The following LRP1B variants were observed in gnomAD, a reference collection of about 807,000 sequenced individuals.
LRP1B encodes the protein LDL receptor related protein 1B.
A neutral mutation model predicts 556.6 loss-of-function variants in LRP1B; 217 were observed. The ratio of observed to expected loss-of-function variants is 0.39; its 90% CI spans 0.35 to 0.44. The LOEUF (loss-of-function observed/expected upper bound fraction) is 0.44. LRP1B is among the 20% of genes least tolerant of loss of function. The probability of loss-of-function intolerance (pLI) is 1.00; values close to 1 mark genes in which losing one functional copy is unlikely to be tolerated. For synonymous variants in LRP1B, 2,047 were observed against 1,865.8 expected, an observed-to-expected ratio of 1.10 and a Z score of -2.50; for missense variants, 5,053 against 5,620.8, an observed-to-expected ratio of 0.90 and a Z score of 3.23.
chr2:141,212,249 A>ATTTTTTTTTTT lies in LRP1B; in HGVS notation c.850+16923_850+16933dup, dbSNP rs59699046. 8.2e-4 allele frequency among the ~76,000 whole-genome samples: 51 copies of ATTTTTTTTTTT among 62,264 alleles called. 12 individuals are homozygous for ATTTTTTTTTTT. Among genetic ancestry groups the ATTTTTTTTTTT allele is most frequent in the East Asian group, 1.8e-3 (3 of 1,626 alleles). The allele number at this position is 62,264 out of a possible 152,430, so 40.8% of individuals were successfully genotyped here. The stretch of plus-strand genomic sequence containing the variant: ...AAGATATATTGATCAAAAAGTCTAG[A>ATTTTTTTTTTT]TTTTTTTTTTTTTTTTTTTTTTTTT... On this transcript the variant is annotated intron_variant, in intron 6 of 90. Coordinates refer to ENST00000389484, the MANE Select transcript of LRP1B (RefSeq NM_018557.3).
chr2:141,727,540 A>G (rs1190016412), intron 2 of LRP1B, among the ~76,000 whole-genome samples: 1 of 152,168 alleles, frequency 6.6e-6, no homozygotes, highest in Non-Finnish European at 1.5e-5. Flanking sequence ...TTGGATTTCA[A>G]TCCTGGTTAT....
chr2:140,574,661 G>A (rs1354444402), intron 43 of LRP1B, among the ~76,000 whole-genome samples: 1 of 152,146 alleles, frequency 6.6e-6, no homozygotes, highest in Admixed American at 6.5e-5. Flanking sequence ...CAAAAAATAA[G>A]CAGCTATAAT....
intron 77 of LRP1B, among the ~76,000 whole-genome samples, chr2:140,340,259 C>T (rs901818260): frequency 8.6e-5 from 13 of 151,350 alleles, no homozygotes; most frequent in African/African-American, 3.1e-4. Flanking sequence ...AAATCCTAGT[C>T]CTAGTTTCTC....
chr2:141,474,044 CTTT>C (rs1559091588), intron 3 of LRP1B, among the ~76,000 whole-genome samples: 1 of 102,090 alleles, frequency 9.8e-6, no homozygotes, highest in Non-Finnish European at 1.9e-5. Context: ...TCCTTCCTTC[CTTT>C]CCTTCCTTCC....
intron 41 of LRP1B, among the ~76,000 whole-genome samples, chr2:140,663,064 T>G (rs1035623297): frequency 1.3e-5 from 2 of 152,152 alleles, no homozygotes; most frequent in African/African-American, 4.8e-5. Flanking sequence ...CAGAACATGA[T>G]TGAACAGCAC....
chr2:140,557,029 A>G lies in LRP1B; in HGVS notation c.7195-15058T>C, dbSNP rs189020909. ...TTAAAAATAAAAAGTAAAAACTACTACGGGTTCTGACTACATGACTATTTG... is the reference window on the plus strand; with the variant it reads ...TTAAAAATAAAAAGTAAAAACTACTGCGGGTTCTGACTACATGACTATTTG... On this transcript the variant is annotated intron_variant, in intron 43 of 90. Transcript: ENST00000389484. Among the ~76,000 whole-genome samples the G allele has an allele frequency of 3.3e-5, 5 of 152,262 alleles. No individual in the cohort carries two copies. The East Asian group carries it at 9.7e-4, about 29-fold the overall frequency.
intron 2 of LRP1B, among the ~76,000 whole-genome samples, chr2:141,566,583 T>C (rs1252034055): frequency 3.3e-5 from 5 of 152,222 alleles, no homozygotes; most frequent in African/African-American, 7.2e-5. Context: ...AGTAACTTCA[T>C]GTGAAACGTG....
chr2:140,240,449 C>T (rs1573669786), intron 87 of LRP1B, among the ~76,000 whole-genome samples: 2 of 150,336 alleles, frequency 1.3e-5, no homozygotes, highest in South Asian at 2.1e-4. Context: ...ATAGGGTAAT[C>T]GATATTTTTA....
At chr2:140,507,129 G>A (rs1423212820) in intron 52 of LRP1B, among the ~76,000 whole-genome samples, 1 of 151,974 alleles carries the variant, frequency 6.6e-6, no homozygotes, top group Non-Finnish European at 1.5e-5. Flanking sequence ...CATAATTCAA[G>A]GATTTAGTAT....
At chr2:141,287,706 TGA>T (rs1472426743) in intron 3 of LRP1B, among the ~76,000 whole-genome samples, 1 of 152,168 alleles carries the variant, frequency 6.6e-6, no homozygotes, top group East Asian at 1.9e-4. Context: ...TCCATTGTGG[TGA>T]GAGACTATTT....
intron 29 of LRP1B, among the ~76,000 whole-genome samples, chr2:140,843,977 G>C (rs1201947917): frequency 6.6e-6 from 1 of 152,114 alleles, no homozygotes; most frequent in Non-Finnish European, 1.5e-5. Context: ...AAAATTTTAA[G>C]AGTATGTGAA....
intron 7 of LRP1B, among the ~76,000 whole-genome samples, chr2:141,073,394 C>G (rs1425285512): frequency 6.6e-6 from 1 of 151,934 alleles, no homozygotes. Context: ...TTTCTTCCTA[C>G]CTGGCTTGTT....
At chr2:140,813,549 T>C (rs1027703961) in intron 32 of LRP1B, 108 bp downstream of exon 32, 1 of 886,104 alleles carries the variant, frequency 1.1e-6, no homozygotes, top group Non-Finnish European at 1.8e-6. Flanking sequence ...AATTTGAATA[T>C]AGTTCTGGTG....
At chr2:141,351,216 C>T (rs1319962441) in intron 3 of LRP1B, among the ~76,000 whole-genome samples, 1 of 151,980 alleles carries the variant, frequency 6.6e-6, no homozygotes, top group African/African-American at 2.4e-5. Flanking sequence ...TTTTTCCATT[C>T]TACCAATAAC....
chr2:141,321,212 T>A (rs1284823754), intron 3 of LRP1B, among the ~76,000 whole-genome samples: 1 of 152,126 alleles, frequency 6.6e-6, no homozygotes, highest in Non-Finnish European at 1.5e-5. Context: ...AGTTTCCATC[T>A]AGTTACCCAA....
chr2:140,344,081 A>G (rs892825816), intron 77 of LRP1B, among the ~76,000 whole-genome samples: 1 of 151,804 alleles, frequency 6.6e-6, no homozygotes, highest in African/African-American at 2.4e-5. Flanking sequence ...AGCTTATTTT[A>G]TGACAATTAT....
intron 7 of LRP1B, among the ~76,000 whole-genome samples, chr2:141,068,106 G>A (rs951631508): frequency 1.3e-5 from 2 of 151,884 alleles, no homozygotes; most frequent in African/African-American, 2.4e-5. Flanking sequence ...ATGACTAACC[G>A]CCCATATTAT....
At chr2:141,144,667 T>C (rs1484797766) in intron 7 of LRP1B, among the ~76,000 whole-genome samples, 3 of 152,142 alleles carry the variant, frequency 2.0e-5, no homozygotes, top group Non-Finnish European at 4.4e-5. Flanking sequence ...CTTTCTATGA[T>C]GGAACAGGCC....
At chr2:141,899,701 C>T (rs1409710560) in intron 1 of LRP1B, among the ~76,000 whole-genome samples, 1 of 152,024 alleles carries the variant, frequency 6.6e-6, no homozygotes, top group Non-Finnish European at 1.5e-5. Flanking sequence ...AAGTTTTTGT[C>T]TTTGGAAAAT....
Sources: gnomAD v4.1 joint callset for allele counts (sites outside exome capture counted in the v4.1 genomes callset) on GRCh38, gnomAD v4.1.1 for gene constraint, MANE v1.5 for transcripts, NCBI Gene and HGNC (gene_info 2026-07-23, HGNC 2026-07-21) for gene names.